TMEM45A: variants seen among roughly 807,000 people sequenced by gnomAD.
TMEM45A encodes DNA polymerase-transactivated protein 4.
In TMEM45A, 25 loss-of-function variants were observed where a neutral mutation model predicts 32.0. The observed-to-expected ratio is 0.78, with a 90% confidence interval of 0.57 to 1.09. The LOEUF is 1.09. Among genes scored for constraint, TMEM45A ranks in the 50% least tolerant of loss-of-function variants. TMEM45A has a pLI of 0.00. For missense variants in TMEM45A, 302 were observed against 325.0 expected, an observed-to-expected ratio of 0.93 and a Z score of 0.54; for synonymous variants, 122 against 114.8, an observed-to-expected ratio of 1.06 and a Z score of -0.40.
At chr3:100,524,840 A>G (rs1179969243) in intron 1 of TMEM45A, among the ~76,000 whole-genome samples, 1 of 152,164 alleles carries the variant, frequency 6.6e-6, no homozygotes, top group African/African-American at 2.4e-5. Context: ...TTGCTTTTAA[A>G]TTCCTAGTAT....
chr3:100,558,682 C>A, intron 4 of TMEM45A, 93 bp downstream of exon 4: 2 of 1,247,534 alleles, frequency 1.6e-6, no homozygotes, highest in Non-Finnish European at 2.3e-6. Flanking sequence ...AGACTTCCCT[C>A]CAACATACTG....
intron 1 of TMEM45A, among the ~76,000 whole-genome samples, chr3:100,542,234 T>C (rs1445185551): frequency 1.3e-5 from 2 of 152,224 alleles, no homozygotes; most frequent in Non-Finnish European, 2.9e-5. Flanking sequence ...ATCTGTAGAT[T>C]GCTTTGGGAA....
At chr3:100,500,324 C>T (rs1707991603) in intron 1 of TMEM45A, among the ~76,000 whole-genome samples, 1 of 152,126 alleles carries the variant, frequency 6.6e-6, no homozygotes, top group Non-Finnish European at 1.5e-5. Flanking sequence ...ATCTCGTGAA[C>T]ATACTGTGTC....
chr3:100,574,448 A>G (rs1313931605), intron 5 of TMEM45A: 2 of 152,270 alleles, frequency 1.3e-5, no homozygotes, highest in African/African-American at 4.8e-5. Context: ...AGACTAAACC[A>G]GGAAGAAGTT....
chr3:100,561,541 T>C (rs1244259502), intron 4 of TMEM45A, among the ~76,000 whole-genome samples: 1 of 152,154 alleles, frequency 6.6e-6, no homozygotes, highest in African/African-American at 2.4e-5. Context: ...ATGCTTTCTT[T>C]CCTGAACCAC....
At chr3:100,519,284 T>C (rs1705376831) in intron 1 of TMEM45A, 1 of 480,664 alleles carries the variant, frequency 2.1e-6, no homozygotes, top group Non-Finnish European at 3.7e-6. Flanking sequence ...GTACGCATGA[T>C]TCGTGGGGGA....
At chr3:100,507,656 T>C (rs924200614) in intron 1 of TMEM45A, among the ~76,000 whole-genome samples, 1 of 152,136 alleles carries the variant, frequency 6.6e-6, no homozygotes, top group Non-Finnish European at 1.5e-5. Context: ...GGATGAAGAA[T>C]GGATGCTAGT....
intron 5 of TMEM45A, 104 bp from the exon 6 acceptor site, chr3:100,576,818 TCCC>T (rs1380061419): frequency 2.2e-6 from 2 of 893,340 alleles, no homozygotes; most frequent in East Asian, 2.4e-5. Flanking sequence ...TGGGTTGCCT[TCCC>T]CAGTTGCCCA....
At position 100,577,114 on chromosome 3, in the gene TMEM45A, A is replaced by T; in HGVS notation, c.*96A>T. ...TCTTTTGTTTGGAGAACAGCTGGCT[A>T]AGGATGACTCTAAGTGTACTGTTTG... On this transcript the variant is annotated 3_prime_UTR_variant, in exon 6 of 6. Coordinates refer to ENST00000323523, the MANE Select transcript of TMEM45A (RefSeq NM_018004.3). 1 of 965,060 alleles carries T rather than the reference A, an allele frequency of 1.0e-6. No homozygotes were observed. The highest frequency in any genetic ancestry group is 2.5e-5 in the East Asian group (1 of 40,060). The allele number at this position is 965,060 out of a possible 1,614,324, so 59.8% of individuals were successfully genotyped here.
chr3:100,517,958 T>G, intron 1 of TMEM45A, among the ~76,000 whole-genome samples: 1 of 152,234 alleles, frequency 6.6e-6, no homozygotes, highest in Non-Finnish European at 1.5e-5. Flanking sequence ...TCCACCATCA[T>G]TAGCCACGTT....
At chr3:100,567,075 A>G (rs1450408438) in intron 4 of TMEM45A, among the ~76,000 whole-genome samples, 1 of 151,752 alleles carries the variant, frequency 6.6e-6, no homozygotes, top group Admixed American at 6.6e-5. Context: ...AGTGATGAAG[A>G]TTTCTCCCTA....
At chr3:100,506,487 T>C (rs1331045631) in intron 1 of TMEM45A, among the ~76,000 whole-genome samples, 1 of 152,202 alleles carries the variant, frequency 6.6e-6, no homozygotes, top group Non-Finnish European at 1.5e-5. Context: ...CATGCACATT[T>C]TTGTACCCTT....
intron 1 of TMEM45A, among the ~76,000 whole-genome samples, chr3:100,536,326 A>G (rs6799882): frequency 0.46 from 70,550 of 152,034 alleles, 16,923 homozygotes; most frequent in African/African-American, 0.57. Context: ...TAGGTGGCCC[A>G]TGAGAGTCTG....
intron 4 of TMEM45A, 28 bp downstream of exon 4, chr3:100,558,617 C>A: frequency 6.2e-7 from 1 of 1,603,626 alleles, no homozygotes; most frequent in East Asian, 2.2e-5. Flanking sequence ...GTTAATGTAC[C>A]TGGACTCTTT....
chr3:100,511,278 G>C (rs992952903), intron 1 of TMEM45A, among the ~76,000 whole-genome samples: 2 of 152,200 alleles, frequency 1.3e-5, no homozygotes, highest in Admixed American at 6.5e-5. Flanking sequence ...GGATGTCTCG[G>C]CAGAAACTCT....
intron 1 of TMEM45A, among the ~76,000 whole-genome samples, chr3:100,522,257 C>T (rs1434731254): frequency 2.6e-5 from 4 of 152,202 alleles, no homozygotes; most frequent in African/African-American, 9.6e-5. Context: ...GGGGCTGACT[C>T]TGGCCCTTGA....
At chr3:100,508,469 TTGTATGGAACCAAAAAAGGAC>T (rs1299138772) in intron 1 of TMEM45A, among the ~76,000 whole-genome samples, 6 of 152,112 alleles carry the variant, frequency 3.9e-5, no homozygotes, top group African/African-American at 1.4e-4. Flanking sequence ...ATGCTAAAAA[TTGTATGGAACCAAAAAAGGAC>T]CTAAATAGCC....
At chr3:100,496,581 G>A (rs1178714910) in intron 1 of TMEM45A, among the ~76,000 whole-genome samples, 1 of 152,258 alleles carries the variant, frequency 6.6e-6, no homozygotes, top group Non-Finnish European at 1.5e-5. Flanking sequence ...ATTGGAGAAA[G>A]GGCATATTTG....
At chr3:100,541,699 T>C (rs1322708045) in intron 1 of TMEM45A, among the ~76,000 whole-genome samples, 1 of 151,904 alleles carries the variant, frequency 6.6e-6, no homozygotes, top group Non-Finnish European at 1.5e-5. Flanking sequence ...CCAGCTAACT[T>C]TTTATATTTT....
Sources: gnomAD v4.1 joint callset for allele counts (sites outside exome capture counted in the v4.1 genomes callset) on GRCh38, gnomAD v4.1.1 for gene constraint, MANE v1.5 for transcripts, NCBI Gene and HGNC (gene_info 2026-07-23, HGNC 2026-07-21) for gene names.